The following ARHGAP32 variants were observed in gnomAD, a reference collection of about 807,000 sequenced individuals.
ARHGAP32 encodes the protein Rho GTPase activating protein 32, also known as rho GTPase-activating protein 32.
Under a neutral mutation model 186.5 loss-of-function variants are expected in ARHGAP32, and 51 were observed. The ratio of observed to expected loss-of-function variants is 0.27; its 90% CI spans 0.22 to 0.35. The LOEUF (loss-of-function observed/expected upper bound fraction) is 0.35, where lower values mean the gene tolerates loss of function less well. Among genes scored for constraint, ARHGAP32 ranks in the 10% least tolerant of loss-of-function variants. The pLI is 1.00. For missense variants in ARHGAP32, 2,186 were observed against 2,623.5 expected (o/e 0.83, Z 3.64); for synonymous variants, 950 against 964.3 (o/e 0.99, Z 0.27).
At chr11:128,992,474 A>G (rs947409157) in intron 12 of ARHGAP32, among the ~76,000 whole-genome samples, 1 of 152,002 alleles carries the variant, frequency 6.6e-6, no homozygotes, top group Admixed American at 6.6e-5. Context: ...TTTTAAAGCT[A>G]TAGATAAGGA....
At chr11:129,117,859 T>TC (rs1035446177) in intron 5 of ARHGAP32, among the ~76,000 whole-genome samples, 5 of 151,798 alleles carry the variant, frequency 3.3e-5, no homozygotes, top group South Asian at 2.1e-4. Flanking sequence ...TACAAGAGAT[T>TC]CCCCCCGCTT....
chr11:129,078,010 G>C (rs1941100926), intron 6 of ARHGAP32, among the ~76,000 whole-genome samples: 1 of 152,102 alleles, frequency 6.6e-6, no homozygotes, highest in African/African-American at 2.4e-5. Context: ...AGCATAACAA[G>C]CATTCAAAAA....
chr11:129,006,805 C>G (rs976736084), intron 11 of ARHGAP32, among the ~76,000 whole-genome samples: 1 of 152,176 alleles, frequency 6.6e-6, no homozygotes, highest in Non-Finnish European at 1.5e-5. Context: ...CTGTGTTGTT[C>G]CTTTCAAGGC....
intron 11 of ARHGAP32, among the ~76,000 whole-genome samples, chr11:129,004,653 T>G (rs539068491): frequency 1.3e-5 from 2 of 152,288 alleles, no homozygotes; most frequent in East Asian, 3.9e-4. Context: ...GTTTTTGTCT[T>G]GAAATCTATT....
intron 2 of ARHGAP32, among the ~76,000 whole-genome samples, chr11:129,159,598 A>G (rs1229041022): frequency 6.6e-6 from 1 of 152,090 alleles, no homozygotes; most frequent in Non-Finnish European, 1.5e-5. Flanking sequence ...CCAAAAAAAA[A>G]AGCCCAGGAT....
chr11:129,167,337 T>C (rs1025639729), intron 1 of ARHGAP32, among the ~76,000 whole-genome samples: 1 of 151,108 alleles, frequency 6.6e-6, no homozygotes, highest in Non-Finnish European at 1.5e-5. Context: ...AAACAGAGAA[T>C]TACCAAATGA....
At chr11:128,972,324 A>T in intron 22 of ARHGAP32, 129 bp downstream of exon 22, 1 of 1,127,464 alleles carries the variant, frequency 8.9e-7, no homozygotes, top group Non-Finnish European at 1.2e-6. Context: ...GAACTATCTC[A>T]TGGAAACCAG....
intron 6 of ARHGAP32, among the ~76,000 whole-genome samples, chr11:129,086,862 A>G (rs920985351): frequency 1.3e-5 from 2 of 151,996 alleles, no homozygotes; most frequent in Admixed American, 6.6e-5. Context: ...AGCACTGTAA[A>G]CCAAAATACA....
At chr11:129,060,746 T>C (rs1227872553) in intron 10 of ARHGAP32, among the ~76,000 whole-genome samples, 9 of 152,084 alleles carry the variant, frequency 5.9e-5, no homozygotes, top group Non-Finnish European at 1.5e-5. Flanking sequence ...AAGGGATAGA[T>C]AAAATTAAAC....
chr11:129,251,188 A>G (rs1945178129), intron 1 of ARHGAP32, among the ~76,000 whole-genome samples: 1 of 152,164 alleles, frequency 6.6e-6, no homozygotes, highest in African/African-American at 2.4e-5. Flanking sequence ...AAGTTGGCAA[A>G]AATGCCATTA....
intron 11 of ARHGAP32, chr11:129,023,893 T>C: frequency 1.0e-6 from 1 of 985,252 alleles, no homozygotes; most frequent in Non-Finnish European, 1.2e-6. Context: ...GATCAATACT[T>C]AAAATTATTC....
Position 129,015,740 on chromosome 11 carries a change from G to C in ARHGAP32, c.1046-17272C>G, listed in dbSNP as rs1204430485. ...CTGAGATTTATCCACGGCACTTGTG[G>C]TTCAGTATATCACTTAAACTACATT... On this transcript the variant is annotated intron_variant, in intron 11 of 22. Coordinates refer to ENST00000682385, the MANE Select transcript of ARHGAP32 (RefSeq NM_001378024.1). Among the ~76,000 whole-genome samples, 3 of 152,148 alleles carry C rather than the reference G, an allele frequency of 2.0e-5. No homozygotes were observed. The East Asian group carries it at 5.8e-4, about 29-fold the overall frequency.
chr11:129,161,639 G>C (rs1943532123), intron 2 of ARHGAP32, among the ~76,000 whole-genome samples: 1 of 152,094 alleles, frequency 6.6e-6, no homozygotes, highest in Non-Finnish European at 1.5e-5. Flanking sequence ...ATTAAAGTCA[G>C]GAAACAACAG....
chr11:129,127,531 G>GT (rs1436607463), intron 2 of ARHGAP32, among the ~76,000 whole-genome samples: 1 of 148,874 alleles, frequency 6.7e-6, no homozygotes, highest in East Asian at 1.9e-4. Context: ...ACATAACAAG[G>GT]TTTTGTCATT....
At position 128,970,809 on chromosome 11, in the gene ARHGAP32, T is replaced by C; in HGVS notation, c.4404A>G (p.Ala1468=). 1.9e-6 allele frequency: 3 copies of C among 1,614,156 alleles called. No homozygotes were observed. Among genetic ancestry groups the C allele is most frequent in the Non-Finnish European group, 2.5e-6 (3 of 1,179,976 alleles). ...VTASSTSVDD[A]LPLPLPVPQP... ...GTGGGACAGGAAGTGGTAAAGGCAA[T>C]GCATCGTCCACAGAGGTGGATGAAG... The change falls in exon 23 of 23, where the codon GCA becomes GCG. Residue 1468 remains alanine (A), a synonymous_variant. Transcript: ENST00000682385. This position sits in a 1 kb window ranked among gnomAD's most constrained non-coding sequence, Gnocchi z 5.8.
At chr11:129,046,964 A>C (rs973059919) in intron 10 of ARHGAP32, among the ~76,000 whole-genome samples, 1 of 151,888 alleles carries the variant, frequency 6.6e-6, no homozygotes, top group Non-Finnish European at 1.5e-5. Flanking sequence ...CTCTACTAAA[A>C]AAAAATACAA....
chr11:129,148,383 T>C (rs377296523), intron 2 of ARHGAP32, among the ~76,000 whole-genome samples: 1 of 152,240 alleles, frequency 6.6e-6, no homozygotes, highest in African/African-American at 2.4e-5. Flanking sequence ...TAAACTTACC[T>C]AGAGCTTAAA....
At chr11:129,213,164 G>C (rs1029860752) in intron 1 of ARHGAP32, among the ~76,000 whole-genome samples, 1 of 151,894 alleles carries the variant, frequency 6.6e-6, no homozygotes, top group Non-Finnish European at 1.5e-5. Flanking sequence ...TCGTAGTTCC[G>C]CTATCTGAAA....
rs1331787984 is a variant in ARHGAP32, at chr11:128,969,243, T to C, written c.5970A>G (p.Ser1990=). ...TCTCTGGTTTAGGGGGTGGGACGAT[T>C]GACTGAGTGAGGTGTTCTTCCTCCT... ...CYKEEEHLTQ[S]IVPPPKPERS... is the part of the protein sequence containing the mutation. Residue 1990 remains serine (S), a synonymous_variant, in exon 23 of 23, where the codon TCA becomes TCG. Transcript: ENST00000682385. This position sits in a 1 kb window ranked among gnomAD's most constrained non-coding sequence, Gnocchi z 4.8. 1.2e-6 allele frequency: 2 copies of C among 1,614,158 alleles called. No homozygotes were observed. The highest frequency in any genetic ancestry group is 2.2e-5 in the South Asian group (2 of 91,068).
Sources: gnomAD v4.1 joint callset for allele counts (sites outside exome capture counted in the v4.1 genomes callset) on GRCh38, gnomAD v4.1.1 for gene constraint, Gnocchi (gnomAD v3.1) non-coding constraint, MANE v1.5 for transcripts, NCBI Gene and HGNC (gene_info 2026-07-23, HGNC 2026-07-21) for gene names.